The following TRMO variants were observed in gnomAD, a reference collection of about 807,000 sequenced individuals.
TRMO encodes tRNA (adenine(37)-N6)-methyltransferase.
TRMO carries 30 observed loss-of-function variants against 37.2 expected under a neutral mutation model. That is an observed-to-expected ratio of 0.81 (90% CI 0.60 to 1.09). The LOEUF is 1.09. TRMO is among the 50% of genes least tolerant of loss of function. TRMO has a pLI of 0.00. For synonymous variants in TRMO, 239 were observed against 199.4 expected (o/e 1.20, Z -1.67); for missense variants, 552 against 549.5 (o/e 1.00, Z -0.05).
At chr9:97,903,429 A>T (rs894083888), downstream of TRMO, among the ~76,000 whole-genome samples, 19 of 152,334 alleles carry the variant, frequency 1.2e-4, no homozygotes, top group Non-Finnish European at 2.5e-4. Context: ...TCATTTCAAA[A>T]CTATTCAAGA....
downstream of TRMO, among the ~76,000 whole-genome samples, chr9:97,901,053 T>C (rs563982469): frequency 6.6e-5 from 10 of 152,372 alleles, no homozygotes; most frequent in Non-Finnish European, 1.3e-4. Flanking sequence ...TCAGTCAGCA[T>C]TGCTTGTACA....
chr9:97,916,218 A>T lies in TRMO; in HGVS notation c.197T>A (p.Ile66Asn), dbSNP rs1826352009. 1 of 1,613,504 alleles carries T rather than the reference A, an allele frequency of 6.2e-7. No individual in the cohort carries two copies. The highest frequency in any genetic ancestry group is 8.5e-7 in the Non-Finnish European group (1 of 1,179,528). The change falls in exon 2 of 5, where the codon ATC (isoleucine) becomes AAC (asparagine). Residue 66 changes from isoleucine to asparagine, a missense_variant. Coordinates refer to ENST00000375119, the MANE Select transcript of TRMO (RefSeq NM_016481.5). ...SRACLRIRKR[I>N]FNNPEHSLMG... ...CAAGGAATGTTCAGGATTATTAAAG[A>T]TCCTCTTTCTAATCCTCAAACAGGC...
chr9:97,903,145 G>A (rs779580306), downstream of TRMO, among the ~76,000 whole-genome samples: 1 of 152,056 alleles, frequency 6.6e-6, no homozygotes, highest in Non-Finnish European at 1.5e-5. Context: ...GCATGAGCCT[G>A]TAGACCCAGC....
intron 2 of TRMO, among the ~76,000 whole-genome samples, chr9:97,915,403 A>G (rs1826309817): frequency 6.6e-6 from 1 of 152,236 alleles, no homozygotes; most frequent in African/African-American, 2.4e-5. Context: ...CTATAGCACG[A>G]AAGCAGCCAC....
At chr9:97,908,532 T>C (rs1008545482) in intron 4 of TRMO, among the ~76,000 whole-genome samples, 7 of 152,132 alleles carry the variant, frequency 4.6e-5, no homozygotes, top group Non-Finnish European at 7.4e-5. Flanking sequence ...GAGGCTGCAG[T>C]AAGCCATGTT....
intron 4 of TRMO, among the ~76,000 whole-genome samples, chr9:97,906,237 C>T (rs1825847860): frequency 6.6e-6 from 1 of 152,062 alleles, no homozygotes; most frequent in Non-Finnish European, 1.5e-5. Flanking sequence ...CTGAAGGCCA[C>T]TCAAAAATGA....
chr9:97,907,744 C>G (rs1314449580), intron 4 of TRMO, among the ~76,000 whole-genome samples: 19 of 152,270 alleles, frequency 1.2e-4, no homozygotes, highest in Non-Finnish European at 2.8e-4. Context: ...CTATAAAACC[C>G]TTAGGTGACC....
the TRMO span, among the ~76,000 whole-genome samples, chr9:97,897,820 T>C: frequency 6.6e-6 from 1 of 152,208 alleles, no homozygotes; most frequent in Non-Finnish European, 1.5e-5. Flanking sequence ...AGGCAGAAGA[T>C]AACATTGTAT....
At chr9:97,913,354 C>T in intron 3 of TRMO, 47 bp downstream of exon 3, 3 of 1,610,530 alleles carry the variant, frequency 1.9e-6, no homozygotes, top group Non-Finnish European at 2.5e-6. Context: ...TTTTATAAGG[C>T]TTTTTTGGGT....
At chr9:97,902,348 T>A (rs769693726), downstream of TRMO, among the ~76,000 whole-genome samples, 61 of 152,228 alleles carry the variant, frequency 4.0e-4, no homozygotes, top group Non-Finnish European at 7.8e-4. Context: ...TCGCCCAGGC[T>A]GGAGTGCAGT....
intron 1 of TRMO, among the ~76,000 whole-genome samples, chr9:97,919,133 A>T (rs1422143511): frequency 6.6e-6 from 1 of 152,000 alleles, no homozygotes; most frequent in East Asian, 1.9e-4. Flanking sequence ...TTTCTTTTTA[A>T]TCCTCATCCA....
chr9:97,905,554 A>C (rs2131513321), intron 4 of TRMO, among the ~76,000 whole-genome samples: 1 of 150,562 alleles, frequency 6.6e-6, no homozygotes, highest in South Asian at 2.1e-4. Context: ...GAAACAGCAA[A>C]ACTTCCTATG....
chr9:97,910,006 C>T lies in TRMO; in HGVS notation c.1020G>A (p.Arg340=), dbSNP rs1826034077. 6.3e-7 allele frequency: 1 copy of T among 1,588,292 alleles called. No homozygotes were observed. The change falls in exon 4 of 5, where the codon CGG becomes CGA. Residue 340 remains arginine, a synonymous_variant. Coordinates refer to ENST00000375119, the MANE Select transcript of TRMO (RefSeq NM_016481.5). ...GGTCCATCTCGGCATGAGGAGTAAACCGCACTTCTAAAGTGGCCACAGGAG... is the reference window on the plus strand; with the variant it reads ...GGTCCATCTCGGCATGAGGAGTAAATCGCACTTCTAAAGTGGCCACAGGAG... ...TEAPVATLEV[R]FTPHAEMDLG...
intron 1 of TRMO, among the ~76,000 whole-genome samples, chr9:97,920,304 C>T (rs1463752354): frequency 6.6e-6 from 1 of 152,130 alleles, no homozygotes; most frequent in African/African-American, 2.4e-5. Flanking sequence ...ACAGGTATGA[C>T]AAAAACCAGC....
At chr9:97,911,130 C>T (rs968388042) in intron 3 of TRMO, 2 of 281,822 alleles carry the variant, frequency 7.1e-6, no homozygotes, top group Non-Finnish European at 1.5e-5. Context: ...CCCTGTGACC[C>T]GCACCTCCTG....
the TRMO span, among the ~76,000 whole-genome samples, chr9:97,898,141 C>T: frequency 1.3e-5 from 2 of 152,230 alleles, no homozygotes; most frequent in Non-Finnish European, 2.9e-5. Flanking sequence ...GAGTATATCA[C>T]TGAGTTTTTG....
At chr9:97,905,872 T>C (rs1825832383) in intron 4 of TRMO, among the ~76,000 whole-genome samples, 2 of 152,068 alleles carry the variant, frequency 1.3e-5, no homozygotes, top group Admixed American at 1.3e-4. Context: ...ATCAATTATA[T>C]GGGCTGGGCA....
intron 2 of TRMO, chr9:97,915,669 A>C (rs1416162223): frequency 6.6e-6 from 1 of 152,300 alleles, no homozygotes; most frequent in Non-Finnish European, 1.5e-5. Context: ...GCACAAATAC[A>C]GTACAAAATT....
At chr9:97,921,481 T>C (rs185797235) in intron 1 of TRMO, among the ~76,000 whole-genome samples, 1 of 151,354 alleles carries the variant, frequency 6.6e-6, no homozygotes, top group African/African-American at 2.4e-5. Context: ...CGGAGTGCAG[T>C]GGCGCGATCT....
Sources: gnomAD v4.1 joint callset for allele counts (sites outside exome capture counted in the v4.1 genomes callset) on GRCh38, gnomAD v4.1.1 for gene constraint, MANE v1.5 for transcripts, NCBI Gene and HGNC (gene_info 2026-07-23, HGNC 2026-07-21) for gene names.